The following DUSP22 variants were observed in gnomAD, a reference collection of about 807,000 sequenced individuals.
DUSP22 encodes dual specificity phosphatase 22.
A neutral mutation model predicts 24.5 loss-of-function variants in DUSP22; 24 were observed. That is an observed-to-expected ratio of 0.98 (90% CI 0.71 to 1.38). The LOEUF (loss-of-function observed/expected upper bound fraction) is 1.38, where lower values mean the gene tolerates loss of function less well. Among genes scored for constraint, DUSP22 ranks in the 40% most tolerant of loss-of-function variants. The pLI is 0.00. For synonymous variants in DUSP22, 160 were observed against 106.4 expected, an observed-to-expected ratio of 1.50 and a Z score of -3.10; for missense variants, 330 against 269.2, an observed-to-expected ratio of 1.23 and a Z score of -1.58.
At chr6:301,891 C>T (rs971713015) in intron 1 of DUSP22, among the ~76,000 whole-genome samples, 105 of 152,382 alleles carry the variant, frequency 6.9e-4, no homozygotes, top group African/African-American at 1.7e-3. Context: ...AATGTAGAGA[C>T]GGTCTACTCT....
At chr6:337,560 A>G (rs1454411700) in intron 4 of DUSP22, among the ~76,000 whole-genome samples, 1 of 152,298 alleles carries the variant, frequency 6.6e-6, no homozygotes, top group Non-Finnish European at 1.5e-5. Context: ...GTCAGTTCAG[A>G]TCATCTGTCA....
At chr6:319,661 G>A (rs940770824) in intron 3 of DUSP22, among the ~76,000 whole-genome samples, 8 of 152,290 alleles carry the variant, frequency 5.3e-5, no homozygotes, top group Admixed American at 3.3e-4. Context: ...CTATCTTACC[G>A]AAAAACACTG....
At chr6:344,903 A>G (rs1376007817) in intron 4 of DUSP22, among the ~76,000 whole-genome samples, 1 of 152,298 alleles carries the variant, frequency 6.6e-6, no homozygotes, top group Non-Finnish European at 1.5e-5. Flanking sequence ...CACCTGCGTC[A>G]CGGTGGCCTG....
At chr6:302,588 TCA>T (rs1227634022) in intron 1 of DUSP22, among the ~76,000 whole-genome samples, 12 of 152,306 alleles carry the variant, frequency 7.9e-5, no homozygotes, top group Admixed American at 3.9e-4. Flanking sequence ...CCTGTCTCTC[TCA>T]GTCACACCTC....
intron 1 of DUSP22, among the ~76,000 whole-genome samples, chr6:304,418 G>A (rs574097181): frequency 6.6e-6 from 1 of 152,302 alleles, no homozygotes; most frequent in African/African-American, 2.4e-5. Context: ...GTCGAAGCCG[G>A]GCCCTAAACC....
At chr6:320,083 G>A (rs1478051791) in intron 3 of DUSP22, 1 of 152,552 alleles carries the variant, frequency 6.6e-6, no homozygotes, top group Non-Finnish European at 1.5e-5. Context: ...ACTCCTGCAT[G>A]GCTGGACTCA....
At chr6:341,389 C>G (rs1363187908) in intron 4 of DUSP22, among the ~76,000 whole-genome samples, 3 of 152,310 alleles carry the variant, frequency 2.0e-5, no homozygotes, top group African/African-American at 4.8e-5. Flanking sequence ...ATAGAAGGAC[C>G]AGGACTGTGG....
At chr6:341,029 G>GGGTGCT (rs1759582118) in intron 4 of DUSP22, among the ~76,000 whole-genome samples, 4 of 152,306 alleles carry the variant, frequency 2.6e-5, no homozygotes, top group African/African-American at 9.6e-5. Context: ...CCCAGGCAGA[G>GGGTGCT]GGTGCTGGTC....
intron 3 of DUSP22, among the ~76,000 whole-genome samples, chr6:324,938 T>C (rs1432503126): frequency 2.6e-5 from 4 of 152,418 alleles, no homozygotes; most frequent in African/African-American, 7.2e-5. Flanking sequence ...GCTTCGTGCC[T>C]CCCTAAGGAG....
At chr6:328,610 G>A (rs756384738) in intron 3 of DUSP22, among the ~76,000 whole-genome samples, 12 of 152,298 alleles carry the variant, frequency 7.9e-5, no homozygotes, top group Non-Finnish European at 1.5e-4. Flanking sequence ...GTACCACAGA[G>A]TTCTTGGAAG....
chr6:316,382 G>C (rs116924049), intron 3 of DUSP22, among the ~76,000 whole-genome samples: 3,766 of 151,308 alleles, frequency 0.025, 1 homozygote, highest in East Asian at 0.11. Context: ...ACCTGTTTAA[G>C]AGGAAAAAGC....
chr6:304,537 G>GC (rs2127393216), intron 1 of DUSP22, 91 bp from the exon 2 acceptor site: 1 of 1,587,928 alleles, frequency 6.3e-7, no homozygotes, highest in Admixed American at 1.7e-5. Flanking sequence ...CCTGGCCTTT[G>GC]CAGGGATCCT....
At chr6:299,851 G>C (rs1757503556) in intron 1 of DUSP22, among the ~76,000 whole-genome samples, 1 of 152,304 alleles carries the variant, frequency 6.6e-6, no homozygotes, top group African/African-American at 2.4e-5. Context: ...AGGGCAGAAA[G>C]GGGCAGCGTT....
chr6:310,471 T>G (rs1758029660), intron 2 of DUSP22, among the ~76,000 whole-genome samples: 1 of 152,306 alleles, frequency 6.6e-6, no homozygotes, highest in Non-Finnish European at 1.5e-5. Context: ...GTTATCTTCT[T>G]AGTTTCATAT....
intron 2 of DUSP22, 83 bp from the exon 3 acceptor site, chr6:311,797 G>GGT: frequency 1.7e-5 from 20 of 1,157,228 alleles, no homozygotes; most frequent in Admixed American, 2.8e-5. Flanking sequence ...CATTTTGTGG[G>GGT]TTTTTTTTTT....
intron 1 of DUSP22, among the ~76,000 whole-genome samples, chr6:302,086 G>A (rs563039196): frequency 5.2e-5 from 8 of 152,418 alleles, no homozygotes; most frequent in South Asian, 4.1e-4. Context: ...GTCAGATGGC[G>A]GAGGCAAGCT....
intron 4 of DUSP22, among the ~76,000 whole-genome samples, chr6:345,560 A>G (rs1163899605): frequency 6.6e-6 from 1 of 152,312 alleles, no homozygotes; most frequent in African/African-American, 2.4e-5. Flanking sequence ...GCAAATAATA[A>G]TGTAGTATAT....
intron 3 of DUSP22, chr6:326,275 G>C (rs1758866652): frequency 4.1e-6 from 1 of 244,474 alleles, no homozygotes; most frequent in African/African-American, 2.4e-5. Context: ...CTGGGCTTCT[G>C]CGTCCTGGTG....
In DUSP22 at chr6:350,909, T is replaced by C. The variant is rs760777806; in HGVS notation, c.*1958T>C. ...TGAAATATTGCAAACCCACAGAGTT[T>C]AGGCTGGTGCTGCCAAAAAGAAAAG... On this transcript the variant is annotated 3_prime_UTR_variant, in exon 7 of 7. Coordinates refer to ENST00000419235, the MANE Select transcript of DUSP22 (RefSeq NM_001286555.3). The C allele has an allele frequency of 2.5e-6, 4 of 1,612,690 alleles. No individual in the cohort carries two copies. The highest frequency in any genetic ancestry group is 3.4e-6 in the Non-Finnish European group (4 of 1,178,968).
Sources: allele counts gnomAD v4.1 joint callset (sites outside exome capture counted in the v4.1 genomes callset), GRCh38; gene constraint gnomAD v4.1.1; transcripts MANE v1.5; gene names NCBI Gene and HGNC (gene_info 2026-07-23, HGNC 2026-07-21).